Variants in FSIP1 observed in about 807,000 individuals in gnomAD.
The protein encoded by FSIP1 is fibrous sheath-interacting protein 1.
A neutral mutation model predicts 60.9 loss-of-function variants in FSIP1; 65 were observed. The ratio of observed to expected loss-of-function variants is 1.07; its 90% CI spans 0.87 to 1.31. The LOEUF (loss-of-function observed/expected upper bound fraction) is 1.31. Ranked by LOEUF, FSIP1 falls within the 40% of genes most tolerant of loss-of-function variation. FSIP1 has a pLI of 0.00. For missense variants in FSIP1, 675 were observed against 665.5 expected, an observed-to-expected ratio of 1.01 and a Z score of -0.16; for synonymous variants, 209 against 221.2, an observed-to-expected ratio of 0.94 and a Z score of 0.49.
intron 3 of FSIP1, among the ~76,000 whole-genome samples, chr15:39,766,303 T>C (rs1897687554): frequency 6.6e-6 from 1 of 152,246 alleles, no homozygotes; most frequent in Admixed American, 6.5e-5. Flanking sequence ...TTTGTTCTAA[T>C]TTCTTAAAGT....
At chr15:39,780,306 G>A (rs113945032) in intron 1 of FSIP1, among the ~76,000 whole-genome samples, 6 of 152,216 alleles carry the variant, frequency 3.9e-5, no homozygotes, top group East Asian at 3.9e-4. Flanking sequence ...GGCAGATCAC[G>A]AGGTCAGGAG....
At chr15:39,650,305 A>G (rs184440985) in intron 10 of FSIP1, among the ~76,000 whole-genome samples, 1 of 152,206 alleles carries the variant, frequency 6.6e-6, no homozygotes, top group East Asian at 1.9e-4. Flanking sequence ...GGACAATCTT[A>G]TTTGGGAAAT....
intron 5 of FSIP1, among the ~76,000 whole-genome samples, chr15:39,752,962 T>C (rs1413577114): frequency 6.6e-6 from 1 of 151,888 alleles, no homozygotes; most frequent in Non-Finnish European, 1.5e-5. Flanking sequence ...TTAAAAAGAT[T>C]GAGAAAACAT....
intron 10 of FSIP1, among the ~76,000 whole-genome samples, chr15:39,675,190 A>C (rs1383332420): frequency 6.6e-6 from 1 of 152,230 alleles, no homozygotes; most frequent in African/African-American, 2.4e-5. Flanking sequence ...TTTCAAGAGA[A>C]TATGGATGAA....
At chr15:39,728,701 T>C (rs1302173382) in intron 8 of FSIP1, among the ~76,000 whole-genome samples, 1 of 152,208 alleles carries the variant, frequency 6.6e-6, no homozygotes, top group Non-Finnish European at 1.5e-5. Flanking sequence ...ACATAGTCCC[T>C]GTCAAGGATT....
intron 3 of FSIP1, among the ~76,000 whole-genome samples, chr15:39,769,140 G>A (rs574022818): frequency 1.3e-3 from 193 of 152,066 alleles, no homozygotes; most frequent in African/African-American, 4.3e-3. Flanking sequence ...TTAGCCGGGC[G>A]TGGTAGCGGG....
At chr15:39,774,589 G>A (rs1243890644) in intron 2 of FSIP1, among the ~76,000 whole-genome samples, 1 of 152,132 alleles carries the variant, frequency 6.6e-6, no homozygotes, top group African/African-American at 2.4e-5. Flanking sequence ...TTACAAAGCT[G>A]TAAGAGTTAA....
chr15:39,694,189 C>T (rs1181076398), intron 10 of FSIP1, among the ~76,000 whole-genome samples: 9 of 150,642 alleles, frequency 6.0e-5, no homozygotes, highest in African/African-American at 2.2e-4. Flanking sequence ...TTTGGCCACT[C>T]TAATTCAAGG....
At chr15:39,659,201 T>C (rs1206535030) in intron 10 of FSIP1, among the ~76,000 whole-genome samples, 1 of 152,102 alleles carries the variant, frequency 6.6e-6, no homozygotes, top group Non-Finnish European at 1.5e-5. Flanking sequence ...GTAAAAAAAG[T>C]ATTCCAGTAT....
chr15:39,780,515 G>C (rs939881313), intron 1 of FSIP1, among the ~76,000 whole-genome samples: 3 of 151,784 alleles, frequency 2.0e-5, no homozygotes, highest in African/African-American at 7.3e-5. Context: ...GCGAGACTCC[G>C]TGTCAAAAAA....
intron 10 of FSIP1, among the ~76,000 whole-genome samples, chr15:39,683,386 A>C (rs965190785): frequency 1.3e-5 from 2 of 152,092 alleles, no homozygotes; most frequent in Admixed American, 1.3e-4. Flanking sequence ...ACATACATTC[A>C]TGATTTAAAA....
chr15:39,770,586 A>T lies in FSIP1; in HGVS notation c.151T>A (p.Ser51Thr). 1 of 1,548,246 alleles carries T rather than the reference A, an allele frequency of 6.5e-7. No individual in the cohort carries two copies. Among genetic ancestry groups the T allele is most frequent in the Non-Finnish European group, 8.7e-7 (1 of 1,152,586 alleles). The stretch of plus-strand genomic sequence containing the variant: ...CTTTCGGAGTGGTCCTCTTTACCAG[A>T]GTTCAAGTTGCTTGCAGTATCGACC... ...FKVDTASNLNSGKEDHSESSN... is the reference protein window; with the variant it reads ...FKVDTASNLNTGKEDHSESSN... Residue 51 changes from serine to threonine, a missense_variant, in exon 3 of 12, where the codon TCT becomes ACT. By Grantham distance (58) the Ser-to-Thr change is moderately conservative. Coordinates refer to ENST00000350221, the MANE Select transcript of FSIP1 (RefSeq NM_152597.5).
chr15:39,744,249 T>TA (rs1278382518), intron 5 of FSIP1, among the ~76,000 whole-genome samples: 7 of 152,162 alleles, frequency 4.6e-5, no homozygotes, highest in Admixed American at 3.9e-4. Context: ...AAGAAAATTT[T>TA]AAAAATTCCT....
intron 8 of FSIP1, among the ~76,000 whole-genome samples, chr15:39,734,582 C>G (rs1274259321): frequency 2.0e-5 from 3 of 151,924 alleles, no homozygotes; most frequent in Non-Finnish European, 4.4e-5. Flanking sequence ...ATTTTAGAAA[C>G]TAATTATTGA....
At chr15:39,640,909 G>GTGCATA (rs1240566841) in intron 10 of FSIP1, among the ~76,000 whole-genome samples, 1 of 152,158 alleles carries the variant, frequency 6.6e-6, no homozygotes, top group Non-Finnish European at 1.5e-5. Flanking sequence ...ATTGTTACAG[G>GTGCATA]TGCATACTAC....
At chr15:39,734,111 T>C (rs1490445086) in intron 8 of FSIP1, among the ~76,000 whole-genome samples, 1 of 152,118 alleles carries the variant, frequency 6.6e-6, no homozygotes, top group African/African-American at 2.4e-5. Flanking sequence ...AAATATAATC[T>C]GATAAAATTG....
At position 39,739,557 on chromosome 15, in the gene FSIP1, T is replaced by C. The variant is rs566051535; in HGVS notation, c.780+108A>G. 436 of 1,014,186 alleles carry C rather than the reference T, an allele frequency of 4.3e-4. 1 individual carries two copies. Among genetic ancestry groups the C allele is most frequent in the Non-Finnish European group, 6.0e-4 (412 of 684,216 alleles). The allele number at this position is 1,014,186 out of a possible 1,614,324, so 62.8% of individuals were successfully genotyped here. On this transcript the variant is annotated intron_variant, in intron 7 of 11. Coordinates refer to ENST00000350221, the MANE Select transcript of FSIP1 (RefSeq NM_152597.5). ...TTATATCTACTAATTCAATCATTTA[T>C]ACATTTATGATGGTTGAAAAATATT...
chr15:39,695,604 A>G (rs1894783035), intron 10 of FSIP1, among the ~76,000 whole-genome samples: 1 of 152,176 alleles, frequency 6.6e-6, no homozygotes, highest in Admixed American at 6.6e-5. Context: ...CAATGGGTAG[A>G]CTTCCCACAC....
chr15:39,764,031 A>T, intron 4 of FSIP1, 117 bp from the exon 5 acceptor site: 3 of 473,782 alleles, frequency 6.3e-6, no homozygotes, highest in Non-Finnish European at 1.2e-5. Context: ...GTCTCAGGCT[A>T]TTTTTTTTTT....
Sources: allele counts gnomAD v4.1 joint callset (sites outside exome capture counted in the v4.1 genomes callset), GRCh38; gene constraint gnomAD v4.1.1; transcripts MANE v1.5; gene names NCBI Gene and HGNC (gene_info 2026-07-23, HGNC 2026-07-21).